SAMMSON: variants seen among roughly 807,000 people sequenced by gnomAD.
SAMMSON encodes the protein survival associated mitochondrial melanoma specific oncogenic non-coding RNA.
At chr3:70,136,779 T>C (rs963975855) in intron 4 of SAMMSON, among the ~76,000 whole-genome samples, 1 of 152,208 alleles carries the variant, frequency 6.6e-6, no homozygotes, top group African/African-American at 2.4e-5. Flanking sequence ...TACTTACTAA[T>C]GCAAAGTGTA....
intron 9 of SAMMSON, among the ~76,000 whole-genome samples, chr3:70,385,210 T>A (rs577228639): frequency 6.6e-6 from 1 of 152,216 alleles, no homozygotes; most frequent in Non-Finnish European, 1.5e-5. Context: ...ATAATGGTAA[T>A]AATACTTACC....
At chr3:70,422,582 G>A (rs79041159) in intron 2 of SAMMSON, among the ~76,000 whole-genome samples, 1 of 151,830 alleles carries the variant, frequency 6.6e-6, no homozygotes, top group Non-Finnish European at 1.5e-5. Context: ...GTATAGTTTT[G>A]TAAACATCTA....
intron 2 of SAMMSON, among the ~76,000 whole-genome samples, chr3:70,422,911 C>G (rs1474353997): frequency 6.6e-6 from 1 of 151,638 alleles, no homozygotes; most frequent in African/African-American, 2.4e-5. Context: ...CAGATTTTAA[C>G]ACATCCTTGG....
At chr3:70,176,464 G>T (rs971120152) in intron 4 of SAMMSON, among the ~76,000 whole-genome samples, 1 of 152,132 alleles carries the variant, frequency 6.6e-6, no homozygotes, top group Non-Finnish European at 1.5e-5. Context: ...GTCTTGACCT[G>T]ACGTGGATGA....
At chr3:70,018,417 G>A (rs560879004) in intron 3 of SAMMSON, among the ~76,000 whole-genome samples, 5 of 152,060 alleles carry the variant, frequency 3.3e-5, no homozygotes, top group African/African-American at 2.4e-5. Flanking sequence ...CTGTGGGATC[G>A]GTGGTGATAT....
Position 70,387,355 on chromosome 3 carries a change from C to A in SAMMSON, n.914-2219C>A, listed in dbSNP as rs182568772. ...CTTTATAAAAGAACTCTTCTGATAT[C>A]ATTTTTTATGAAGGAGACTCTGTCC... On this transcript the variant is annotated intron_variant and non_coding_transcript_variant, in intron 9 of 9. Transcript: ENST00000642114. Among the ~76,000 whole-genome samples the A allele has an allele frequency of 2.6e-5, 4 of 152,120 alleles. No homozygotes were observed. The East Asian group carries it at 5.8e-4, about 22-fold the overall frequency.
intron 4 of SAMMSON, among the ~76,000 whole-genome samples, chr3:70,239,865 G>C (rs1408453455): frequency 6.6e-6 from 1 of 152,034 alleles, no homozygotes; most frequent in East Asian, 1.9e-4. Flanking sequence ...GTGAATATTT[G>C]TTGAATAAAT....
chr3:70,332,685 C>T (rs1248984221), intron 7 of SAMMSON: 4 of 152,190 alleles, frequency 2.6e-5, no homozygotes, highest in African/African-American at 9.7e-5. Context: ...ACAAGCTCCG[C>T]CTCCCGGGTT....
At chr3:70,389,687 T>G (rs1701027967) in exon 10 of SAMMSON, 1 of 152,016 alleles carries the variant, frequency 6.6e-6, no homozygotes, top group African/African-American at 2.4e-5. Flanking sequence ...AGACTGGTCG[T>G]TTTTTCTGGA....
chr3:70,318,188 T>A (rs1409047425), intron 7 of SAMMSON, among the ~76,000 whole-genome samples: 3 of 152,012 alleles, frequency 2.0e-5, no homozygotes, highest in Non-Finnish European at 4.4e-5. Flanking sequence ...GGCCCATCAT[T>A]TTTTCAGATA....
intron 4 of SAMMSON, among the ~76,000 whole-genome samples, chr3:70,216,681 A>G (rs1356401047): frequency 6.6e-6 from 1 of 152,146 alleles, no homozygotes; most frequent in African/African-American, 2.4e-5. Flanking sequence ...CCTAAAGCTT[A>G]TTGAAAAACA....
At chr3:70,323,497 G>C (rs891779289) in intron 7 of SAMMSON, among the ~76,000 whole-genome samples, 14 of 152,122 alleles carry the variant, frequency 9.2e-5, no homozygotes, top group African/African-American at 2.9e-4. Flanking sequence ...TTGTAAGCTG[G>C]TACATGCAGC....
At chr3:70,032,196 G>A (rs1280623714) in intron 3 of SAMMSON, among the ~76,000 whole-genome samples, 1 of 152,114 alleles carries the variant, frequency 6.6e-6, no homozygotes, top group Admixed American at 6.6e-5. Flanking sequence ...TTTCTAGGCT[G>A]CCCTCTGAAC....
At position 70,313,482 on chromosome 3, in the gene SAMMSON, G is replaced by GA. The variant is rs753766688; in HGVS notation, n.739+22251dup. ...AACAGAGCAAGACACTGTCTGAAAGGAAAAAAAAAAAAGGAAAAGAAAAAA... is the reference window on the plus strand; with the variant it reads ...AACAGAGCAAGACACTGTCTGAAAGGAAAAAAAAAAAAAGGAAAAGAAAAAA... On this transcript the variant is annotated intron_variant and non_coding_transcript_variant, in intron 7 of 9. Transcript: ENST00000642114. Among the ~76,000 whole-genome samples, 492 of 128,572 alleles carry GA rather than the reference G, an allele frequency of 3.8e-3. 3 individuals are homozygous for GA. The highest frequency in any genetic ancestry group is 5.4e-3 in the Non-Finnish European group (318 of 59,356). The allele number at this position is 128,572 out of a possible 152,430, so 84.3% of individuals were successfully genotyped here.
chr3:70,368,632 C>T (rs1394412056), intron 9 of SAMMSON, among the ~76,000 whole-genome samples: 1 of 151,576 alleles, frequency 6.6e-6, no homozygotes, highest in African/African-American at 2.4e-5. Flanking sequence ...ATTATCCTCT[C>T]TCTATTGAAT....
intron 6 of SAMMSON, among the ~76,000 whole-genome samples, chr3:70,270,623 A>G (rs1701967041): frequency 1.3e-5 from 2 of 152,202 alleles, no homozygotes; most frequent in African/African-American, 4.8e-5. Flanking sequence ...CTATGTATAT[A>G]CAGGAGTGAG....
intron 2 of SAMMSON, among the ~76,000 whole-genome samples, chr3:70,432,814 T>C (rs1356175871): frequency 6.6e-6 from 1 of 152,044 alleles, no homozygotes; most frequent in East Asian, 1.9e-4. Flanking sequence ...CACCTATTCA[T>C]CCCTCCCTCT....
chr3:70,397,864 T>C (rs903213880), intron 2 of SAMMSON, among the ~76,000 whole-genome samples: 11 of 152,194 alleles, frequency 7.2e-5, no homozygotes, highest in African/African-American at 2.7e-4. Context: ...TATAACACTA[T>C]CCTTTATTTG....
intron 8 of SAMMSON, among the ~76,000 whole-genome samples, chr3:70,356,984 T>C (rs1251116613): frequency 6.6e-6 from 1 of 152,160 alleles, no homozygotes; most frequent in East Asian, 1.9e-4. Context: ...CCAAAATGCA[T>C]ACAGTAAGTC....
Sources: gnomAD v4.1 joint callset for allele counts (sites outside exome capture counted in the v4.1 genomes callset) on GRCh38, gnomAD v4.1.1 for gene constraint, MANE v1.5 for transcripts, NCBI Gene and HGNC (gene_info 2026-07-23, HGNC 2026-07-21) for gene names.